MLLT10: variants seen among roughly 807,000 people sequenced by gnomAD.
The protein encoded by MLLT10 is MLLT10 histone lysine methyltransferase DOT1L cofactor, also known as protein AF-10.
In MLLT10, 30 loss-of-function variants were observed where a neutral mutation model predicts 129.1. The ratio of observed to expected loss-of-function variants is 0.23; its 90% CI spans 0.17 to 0.32. The LOEUF is 0.32. Ranked by LOEUF, MLLT10 falls within the 10% of genes least tolerant of loss-of-function variation. The pLI is 1.00. For missense variants in MLLT10, 1,119 were observed against 1,268.3 expected, an observed-to-expected ratio of 0.88 and a Z score of 1.79; for synonymous variants, 490 against 446.4, an observed-to-expected ratio of 1.10 and a Z score of -1.23.
intron 8 of MLLT10, among the ~76,000 whole-genome samples, chr10:21,643,320 A>G (rs1238135456): frequency 2.0e-5 from 3 of 152,168 alleles, no homozygotes; most frequent in Admixed American, 1.3e-4. Flanking sequence ...GGTGTGAGCC[A>G]CCGCGCCCTG....
intron 9 of MLLT10, among the ~76,000 whole-genome samples, chr10:21,655,180 G>T (rs1342053946): frequency 2.0e-5 from 3 of 152,158 alleles, no homozygotes; most frequent in African/African-American, 2.4e-5. Flanking sequence ...AAGAGAGGCT[G>T]TCAAGGAACA....
chr10:21,645,136 T>G (rs1291012337), intron 8 of MLLT10, among the ~76,000 whole-genome samples: 1 of 152,198 alleles, frequency 6.6e-6, no homozygotes, highest in African/African-American at 2.4e-5. Flanking sequence ...ATTCTCAGAA[T>G]TTTTGGGAAT....
intron 3 of MLLT10, among the ~76,000 whole-genome samples, chr10:21,549,569 A>C (rs1373605240): frequency 6.6e-6 from 1 of 152,050 alleles, no homozygotes; most frequent in Non-Finnish European, 1.5e-5. Flanking sequence ...GGCAGCTGGA[A>C]CTGCAGTCAT....
chr10:21,578,463 G>T (rs2041025241), intron 3 of MLLT10, among the ~76,000 whole-genome samples: 2 of 152,076 alleles, frequency 1.3e-5, no homozygotes, highest in Non-Finnish European at 2.9e-5. Context: ...AAGTCTGTAG[G>T]TTTGGTAAAT....
At chr10:21,733,739 G>C in intron 19 of MLLT10, 29 bp from the exon 20 acceptor site, 1 of 1,579,398 alleles carries the variant, frequency 6.3e-7, no homozygotes, top group Non-Finnish European at 8.6e-7. Flanking sequence ...ATGTCCAGTG[G>C]ACTTAGTTTC....
chr10:21,553,425 A>G (rs913917687), intron 3 of MLLT10, among the ~76,000 whole-genome samples: 7 of 151,192 alleles, frequency 4.6e-5, no homozygotes, highest in Non-Finnish European at 8.8e-5. Flanking sequence ...TCCCGGGTTC[A>G]AGAGATTTTC....
chr10:21,572,681 G>A (rs1274377624), intron 3 of MLLT10, among the ~76,000 whole-genome samples: 1 of 151,840 alleles, frequency 6.6e-6, no homozygotes, highest in Non-Finnish European at 1.5e-5. Context: ...GTGCAGTGGT[G>A]CAATCTTTGC....
Position 21,625,996 on chromosome 10 carries a change from C to G in MLLT10, c.699+8789C>G, listed in dbSNP as rs573455168. 4.8e-4 allele frequency: 473 copies of G among 984,014 alleles called. 2 individuals are homozygous for G. Among genetic ancestry groups the G allele is most frequent in the Middle Eastern group, 4.6e-3 (22 of 4,758 alleles). The allele number at this position is 984,014 out of a possible 1,614,324, so 61.0% of individuals were successfully genotyped here. On this transcript the variant is annotated intron_variant, in intron 8 of 22. Transcript: ENST00000307729. Reference sequence around the variant, plus strand: ...CAGAGTACACACTGTTTGGTGGAGGCCCACCATACTTCCTCTGTCCTGTGG... The same window carrying G: ...CAGAGTACACACTGTTTGGTGGAGGGCCACCATACTTCCTCTGTCCTGTGG...
intron 3 of MLLT10, among the ~76,000 whole-genome samples, chr10:21,558,135 GA>G (rs2038302515): frequency 6.6e-6 from 1 of 151,662 alleles, no homozygotes; most frequent in African/African-American, 2.4e-5. Context: ...ATTTTTAGTA[GA>G]GATGGGGTTT....
At chr10:21,618,794 G>A (rs961883834) in intron 8 of MLLT10, among the ~76,000 whole-genome samples, 1 of 151,770 alleles carries the variant, frequency 6.6e-6, no homozygotes, top group Non-Finnish European at 1.5e-5. Context: ...GTGCAGTGGC[G>A]TGATCTCGTG....
intron 8 of MLLT10, among the ~76,000 whole-genome samples, chr10:21,634,787 CTG>C (rs1323925837): frequency 1.3e-5 from 2 of 152,210 alleles, no homozygotes; most frequent in Non-Finnish European, 2.9e-5. Context: ...TTTAAGTTCA[CTG>C]TGTTACGTAA....
At chr10:21,660,615 C>CAAAAAAAAAAAAAAA (rs55685640) in intron 9 of MLLT10, among the ~76,000 whole-genome samples, 2 of 41,824 alleles carry the variant, frequency 4.8e-5, no homozygotes, top group African/African-American at 2.0e-4. Flanking sequence ...GACTCCATCT[C>CAAAAAAAAAAAAAAA]AAAAAAAAAA....
At chr10:21,649,681 G>A (rs565916841) in intron 8 of MLLT10, among the ~76,000 whole-genome samples, 3 of 152,288 alleles carry the variant, frequency 2.0e-5, no homozygotes, top group South Asian at 4.2e-4. Context: ...TCTCCATTTG[G>A]CCTCTCTATG....
chr10:21,533,967 ACGCGGCC>A (rs2033279266), upstream of MLLT10, among the ~76,000 whole-genome samples: 1 of 151,670 alleles, frequency 6.6e-6, no homozygotes, highest in African/African-American at 2.4e-5. Flanking sequence ...CGACGCTCAC[ACGCGGCC>A]CGCGCCACCA....
chr10:21,729,485 C>T (rs766003003), intron 16 of MLLT10, among the ~76,000 whole-genome samples: 7 of 152,162 alleles, frequency 4.6e-5, no homozygotes, highest in Non-Finnish European at 1.0e-4. Context: ...AGAGGGATGG[C>T]CAACTGTATG....
At chr10:21,711,503 A>C (rs187866607) in intron 13 of MLLT10, among the ~76,000 whole-genome samples, 135 of 151,090 alleles carry the variant, frequency 8.9e-4, no homozygotes, top group Non-Finnish European at 1.7e-3. Context: ...TGGGAGGACC[A>C]CTTGAGCTCA....
intron 8 of MLLT10, among the ~76,000 whole-genome samples, chr10:21,636,937 A>T (rs1193642229): frequency 2.0e-5 from 3 of 152,188 alleles, no homozygotes; most frequent in Non-Finnish European, 4.4e-5. Flanking sequence ...GGAGTTAGAG[A>T]TGTTTGCTGA....
At chr10:21,681,191 T>C (rs940772210) in intron 11 of MLLT10, 141 bp from the exon 12 acceptor site, 2 of 919,630 alleles carry the variant, frequency 2.2e-6, no homozygotes, top group Non-Finnish European at 3.4e-6. Flanking sequence ...TAGCTTATAA[T>C]TTTTGTTTTT....
At chr10:21,699,081 G>A (rs1489320977) in intron 13 of MLLT10, among the ~76,000 whole-genome samples, 1 of 152,084 alleles carries the variant, frequency 6.6e-6, no homozygotes, top group Non-Finnish European at 1.5e-5. Context: ...TGCCATGTTG[G>A]CCAGGCTGGT....
Sources: gnomAD v4.1 joint callset for allele counts (sites outside exome capture counted in the v4.1 genomes callset) on GRCh38, gnomAD v4.1.1 for gene constraint, MANE v1.5 for transcripts, NCBI Gene and HGNC (gene_info 2026-07-23, HGNC 2026-07-21) for gene names.